Variants in CCDC178 observed in about 807,000 individuals in gnomAD.
The protein encoded by CCDC178 is coiled-coil domain containing 178.
In CCDC178, 126 loss-of-function variants were observed where a neutral mutation model predicts 117.4. The ratio of observed to expected loss-of-function variants is 1.07; its 90% CI spans 0.93 to 1.24. The LOEUF (loss-of-function observed/expected upper bound fraction) is 1.24. CCDC178 is among the 50% of genes most tolerant of loss of function. The pLI is 0.00. For synonymous variants in CCDC178, 283 were observed against 313.4 expected (o/e 0.90, Z 1.02); for missense variants, 1,030 against 986.9 (o/e 1.04, Z -0.59).
intron 10 of CCDC178, among the ~76,000 whole-genome samples, chr18:33,331,331 C>T (rs1203938287): frequency 6.6e-6 from 1 of 152,000 alleles, no homozygotes; most frequent in Non-Finnish European, 1.5e-5. Flanking sequence ...GTTAACTTTC[C>T]TCTCACAGAA....
intron 9 of CCDC178, among the ~76,000 whole-genome samples, chr18:33,333,979 T>C (rs1407869044): frequency 2.6e-5 from 4 of 152,170 alleles, no homozygotes; most frequent in Non-Finnish European, 5.9e-5. Context: ...AAGTACTCTA[T>C]GTAACTGCTT....
chr18:33,400,924 A>G (rs184615462), intron 3 of CCDC178, among the ~76,000 whole-genome samples: 7 of 152,312 alleles, frequency 4.6e-5, no homozygotes, highest in Non-Finnish European at 1.0e-4. Flanking sequence ...TGAGAGACAC[A>G]TAATTCTTCC....
chr18:33,324,004 T>A (rs2145012291), intron 10 of CCDC178, among the ~76,000 whole-genome samples: 1 of 152,018 alleles, frequency 6.6e-6, no homozygotes, highest in South Asian at 2.1e-4. Context: ...CCATTATTCT[T>A]AGGTTGGTGC....
At chr18:33,358,400 T>C (rs1480781141) in intron 6 of CCDC178, among the ~76,000 whole-genome samples, 1 of 151,888 alleles carries the variant, frequency 6.6e-6, no homozygotes, top group Non-Finnish European at 1.5e-5. Context: ...AAACATATTA[T>C]GACTCATGTA....
intron 11 of CCDC178, chr18:33,323,218 TATAAC>T (rs1441619227): frequency 5.1e-6 from 1 of 197,792 alleles, no homozygotes; most frequent in Non-Finnish European, 1.0e-5. Context: ...TATTTATTGT[TATAAC>T]ATGTCCTCAG....
intron 21 of CCDC178, among the ~76,000 whole-genome samples, chr18:33,020,116 G>GTT (rs974063654): frequency 0.011 from 1,450 of 135,646 alleles, 23 homozygotes; most frequent in African/African-American, 0.036. Flanking sequence ...CGGATAATTG[G>GTT]TTTTTTTTTT....
intron 21 of CCDC178, among the ~76,000 whole-genome samples, chr18:33,009,617 C>T (rs923248658): frequency 1.3e-5 from 2 of 152,144 alleles, no homozygotes; most frequent in Non-Finnish European, 2.9e-5. Context: ...TCCATCCCTT[C>T]CCCAACACAC....
intron 21 of CCDC178, among the ~76,000 whole-genome samples, chr18:33,005,173 A>G (rs2055722363): frequency 6.6e-6 from 1 of 152,152 alleles, no homozygotes; most frequent in South Asian, 2.1e-4. Context: ...TCTCATGTTT[A>G]CTGCAGCACT....
chr18:33,265,370 A>T (rs2059799927), intron 14 of CCDC178, among the ~76,000 whole-genome samples: 1 of 152,104 alleles, frequency 6.6e-6, no homozygotes, highest in Non-Finnish European at 1.5e-5. Flanking sequence ...AAATATTCAT[A>T]CACAAAAAAT....
chr18:33,157,596 TA>T (rs2058416447), intron 20 of CCDC178, among the ~76,000 whole-genome samples: 1 of 152,144 alleles, frequency 6.6e-6, no homozygotes, highest in Admixed American at 6.5e-5. Context: ...TTTAAAAAAA[TA>T]CACAGACATA....
chr18:33,199,053 T>G (rs1446546883), intron 20 of CCDC178, among the ~76,000 whole-genome samples: 2 of 151,960 alleles, frequency 1.3e-5, no homozygotes, highest in Non-Finnish European at 2.9e-5. Flanking sequence ...AATGTGAACT[T>G]TGGAGGTGCC....
chr18:33,433,112 T>A (rs1476681842), intron 2 of CCDC178, among the ~76,000 whole-genome samples: 1 of 152,186 alleles, frequency 6.6e-6, no homozygotes, highest in African/African-American at 2.4e-5. Context: ...GGGTTTAAAG[T>A]TTGGATAACG....
chr18:33,153,001 A>G (rs1262639513), intron 20 of CCDC178, among the ~76,000 whole-genome samples: 1 of 120,938 alleles, frequency 8.3e-6, no homozygotes, highest in Admixed American at 9.9e-5. Context: ...AGCAGAAATG[A>G]AGTCATTTTA....
At chr18:33,202,567 A>ACG (rs1175071102) in intron 20 of CCDC178, among the ~76,000 whole-genome samples, 4 of 152,150 alleles carry the variant, frequency 2.6e-5, no homozygotes, top group African/African-American at 4.8e-5. Flanking sequence ...CACATGACAC[A>ACG]CGATTTGGCA....
chr18:33,124,680 G>A (rs2057982295), intron 20 of CCDC178, among the ~76,000 whole-genome samples: 1 of 152,102 alleles, frequency 6.6e-6, no homozygotes, highest in South Asian at 2.1e-4. Context: ...GGATAATACT[G>A]AAGGATATTA....
chr18:32,987,784 C>T (rs1405620888), intron 21 of CCDC178, among the ~76,000 whole-genome samples: 1 of 152,136 alleles, frequency 6.6e-6, no homozygotes, highest in Non-Finnish European at 1.5e-5. Context: ...TCTCCTTAGA[C>T]ATTTATGAGT....
chr18:33,142,895 G>T (rs2058224300), intron 20 of CCDC178, among the ~76,000 whole-genome samples: 1 of 152,146 alleles, frequency 6.6e-6, no homozygotes, highest in African/African-American at 2.4e-5. Context: ...CCCCTGAGCT[G>T]CTTGGGAGTG....
intron 15 of CCDC178, among the ~76,000 whole-genome samples, chr18:33,227,096 T>A (rs1158979339): frequency 6.6e-6 from 1 of 152,100 alleles, no homozygotes; most frequent in African/African-American, 2.4e-5. Context: ...TTTATAGTCC[T>A]AAACTTAAAA....
intron 12 of CCDC178, among the ~76,000 whole-genome samples, chr18:33,285,464 A>G (rs2060087558): frequency 6.6e-6 from 1 of 152,322 alleles, no homozygotes; most frequent in South Asian, 2.1e-4. Flanking sequence ...AAGTTTCAAA[A>G]TTCATTTTGT....
Sources: gnomAD v4.1 joint callset for allele counts (sites outside exome capture counted in the v4.1 genomes callset) on GRCh38, gnomAD v4.1.1 for gene constraint, MANE v1.5 for transcripts, NCBI Gene and HGNC (gene_info 2026-07-23, HGNC 2026-07-21) for gene names.